Variants in PRG4 observed in about 807,000 individuals in gnomAD.
The protein encoded by PRG4 is articular superficial zone protein.
A neutral mutation model predicts 91.2 loss-of-function variants in PRG4; 61 were observed. The observed-to-expected ratio is 0.67, with a 90% CI of 0.54 to 0.83. The LOEUF is 0.83. PRG4 is among the 40% of genes least tolerant of loss of function. The pLI is 0.00. For missense variants in PRG4, 1,564 were observed against 1,714.2 expected (o/e 0.91, Z 1.55); for synonymous variants, 576 against 614.2 (o/e 0.94, Z 0.92).
At chr1:186,300,938 A>C (rs1382346776) in intron 3 of PRG4, among the ~76,000 whole-genome samples, 1 of 152,206 alleles carries the variant, frequency 6.6e-6, no homozygotes, top group Non-Finnish European at 1.5e-5. Context: ...TATGTATTGG[A>C]TAGGTAATTA....
intron 2 of PRG4, among the ~76,000 whole-genome samples, chr1:186,297,220 A>G (rs1267596786): frequency 6.6e-6 from 1 of 152,200 alleles, no homozygotes; most frequent in East Asian, 1.9e-4. Context: ...TAAAAAGTGC[A>G]GACAGTTCAT....
chr1:186,296,637 G>C (rs947972898), intron 1 of PRG4, among the ~76,000 whole-genome samples: 1 of 152,154 alleles, frequency 6.6e-6, no homozygotes, highest in Non-Finnish European at 1.5e-5. Flanking sequence ...CAATAACGTG[G>C]CTGAGGGTGA....
At chr1:186,297,279 G>T (rs1655921502) in intron 2 of PRG4, among the ~76,000 whole-genome samples, 1 of 151,854 alleles carries the variant, frequency 6.6e-6, no homozygotes, top group South Asian at 2.1e-4. Context: ...AACTAAAAAA[G>T]AACAATATTT....
At chr1:186,310,865 C>T (rs981768863) in intron 8 of PRG4, among the ~76,000 whole-genome samples, 169 bp from the exon 9 acceptor site, 3 of 152,078 alleles carry the variant, frequency 2.0e-5, no homozygotes, top group African/African-American at 7.2e-5. Flanking sequence ...TGCTAAATTT[C>T]GGACTTGGGA....
At chr1:186,300,337 T>C (rs1284239546) in intron 3 of PRG4, 124 bp downstream of exon 3, 17 of 1,254,016 alleles carry the variant, frequency 1.4e-5, no homozygotes, top group Non-Finnish European at 5.8e-6. Flanking sequence ...AGTGCTGTTT[T>C]CCCACTGTAT....
chr1:186,308,888 TCAA>T lies in PRG4; in HGVS notation c.3173_3175del (p.Thr1058del). 1.9e-6 allele frequency: 3 copies of T among 1,613,640 alleles called. No homozygotes were observed. The highest frequency in any genetic ancestry group is 2.5e-6 in the Non-Finnish European group (3 of 1,179,906). On this transcript the variant is annotated inframe_deletion, in exon 7 of 13. Transcript: ENST00000445192. ...GACACCAACTCCCCGCAAGATGACA[TCAA>T]CAATGCCAGAATTGAACCCTACCTC...
At chr1:186,309,223 TC>T in intron 7 of PRG4, 83 bp downstream of exon 7, 18 of 1,350,208 alleles carry the variant, frequency 1.3e-5, no homozygotes, top group Non-Finnish European at 1.8e-5. Flanking sequence ...TAGTTTAGTA[TC>T]ACTCAACTGA....
chr1:186,304,006 C>A, intron 4 of PRG4, 102 bp from the exon 5 acceptor site: 1 of 1,303,962 alleles, frequency 7.7e-7, no homozygotes, highest in Non-Finnish European at 1.1e-6. Context: ...CTGGCTGTCA[C>A]CAGCATCTAC....
chr1:186,309,400 T>A (rs1272620887), intron 7 of PRG4, among the ~76,000 whole-genome samples: 1 of 152,160 alleles, frequency 6.6e-6, no homozygotes, highest in African/African-American at 2.4e-5. Flanking sequence ...GTCAAAAAAA[T>A]TTAGTTCGGA....
chr1:186,304,993 C>CG (rs1656463061), intron 6 of PRG4, 71 bp downstream of exon 6: 5 of 1,499,384 alleles, frequency 3.3e-6, no homozygotes, highest in Non-Finnish European at 3.7e-6. Flanking sequence ...AAAAGTAATG[C>CG]GTGTTGGCAG....
At position 186,301,627 on chromosome 1, in the gene PRG4, G is replaced by A. The variant is rs1479398866; in HGVS notation, c.235G>A (p.Glu79Lys). ...SCKGRCFESF[E>K]RGRECDCDAQ... Reference sequence around the variant, plus strand: ...TAAAGGCCGCTGCTTTGAGTCCTTCGAGAGAGGGAGGGAGTGTGACTGCGA... The same window carrying A: ...TAAAGGCCGCTGCTTTGAGTCCTTCAAGAGAGGGAGGGAGTGTGACTGCGA... The change falls in exon 4 of 13, where the codon GAG (glutamate) becomes AAG (lysine). Residue 79 changes from glutamate to lysine, a missense_variant. Around this residue, in one of 3 missense-constraint regions of PRG4, gnomAD observed 437 missense variants for 459.0 expected, o/e 0.95. Coordinates refer to ENST00000445192, the MANE Select transcript of PRG4 (RefSeq NM_005807.6). The A allele has an allele frequency of 3.2e-5, 51 of 1,613,904 alleles. No individual in the cohort carries two copies. The highest frequency in any genetic ancestry group is 4.4e-5 in the South Asian group (4 of 91,068).
intron 7 of PRG4, among the ~76,000 whole-genome samples, chr1:186,309,568 C>A (rs1657022037): frequency 6.6e-6 from 1 of 152,126 alleles, no homozygotes; most frequent in South Asian, 2.1e-4. Flanking sequence ...TAACCTGGTC[C>A]ATTCCAATTC....
intron 6 of PRG4, among the ~76,000 whole-genome samples, chr1:186,305,295 A>G (rs1383539295): frequency 6.6e-6 from 1 of 152,200 alleles, no homozygotes; most frequent in Non-Finnish European, 1.5e-5. Flanking sequence ...ACAAACATTT[A>G]TATACTATTG....
At chr1:186,312,061 T>C (rs1657287604) in intron 10 of PRG4, 114 bp from the exon 11 acceptor site, 3 of 802,588 alleles carry the variant, frequency 3.7e-6, no homozygotes, top group African/African-American at 1.7e-5. Flanking sequence ...CAATATATTA[T>C]ATGAAAAATG....
intron 10 of PRG4, 199 bp from the exon 11 acceptor site, chr1:186,311,976 A>T (rs1367822482): frequency 1.7e-6 from 1 of 576,544 alleles, no homozygotes; most frequent in Non-Finnish European, 3.0e-6. Flanking sequence ...AATTTGCTGC[A>T]TCTATTCATT....
At chr1:186,310,965 TCA>T in intron 8 of PRG4, 67 bp from the exon 9 acceptor site, 2 of 1,558,120 alleles carry the variant, frequency 1.3e-6, no homozygotes, top group Non-Finnish European at 1.8e-6. Flanking sequence ...ACATTTTTTT[TCA>T]TTTTGGTTTC....
chr1:186,300,408 A>C (rs1656131213), intron 3 of PRG4, among the ~76,000 whole-genome samples, 195 bp downstream of exon 3: 2 of 152,152 alleles, frequency 1.3e-5, no homozygotes, highest in Admixed American at 1.3e-4. Flanking sequence ...CATTGTACCT[A>C]AGGATGGTGT....
Position 186,305,161 on chromosome 1 carries a change from C to T in PRG4, c.598+239C>T, listed in dbSNP as rs545561304. On this transcript the variant is annotated intron_variant, in intron 6 of 12. Transcript: ENST00000445192. ...ATGCTGTAGCAGGACTGTGGAACCA[C>T]AAGATGGCACCAGAGATGATTATTG... Among the ~76,000 whole-genome samples the T allele has an allele frequency of 4.6e-5, 7 of 152,328 alleles. No individual in the cohort carries two copies. The South Asian group carries it at 1.4e-3, about 32-fold the overall frequency.
chr1:186,307,174 T>C lies in PRG4; in HGVS notation c.1455T>C (p.Thr485=), dbSNP rs78867190. 1,144 of 1,235,384 alleles carry C rather than the reference T, an allele frequency of 9.3e-4. 21 individuals carry two copies. In the African/African-American group the frequency reaches 0.026, roughly 28 times the overall value. 76.5% of individuals were successfully genotyped at this position (1,235,384 alleles called of 1,614,324 possible). A position where few individuals can be genotyped will look rare whatever the true frequency, so the allele number is the denominator to read the frequency against. ...APTTPKEPAP[T]APKKPAPTTP... ...CCACTCCCAAAGAGCCTGCACCCAC[T>C]GCCCCCAAGAAGCCTGCCCCAACTA... Residue 485 remains threonine, a synonymous_variant, in exon 7 of 13, where the codon ACT becomes ACC. Coordinates refer to ENST00000445192, the MANE Select transcript of PRG4 (RefSeq NM_005807.6).
Sources: gnomAD v4.1 joint callset for allele counts (sites outside exome capture counted in the v4.1 genomes callset) on GRCh38, gnomAD v4.1.1 for gene constraint, gnomAD v4.1.1 regional missense constraint, MANE v1.5 for transcripts, NCBI Gene and HGNC (gene_info 2026-07-23, HGNC 2026-07-21) for gene names.